Variants in TOGARAM2 observed in about 807,000 individuals in gnomAD.
The protein encoded by TOGARAM2 is TOG array regulator of axonemal microtubules 2.
Under a neutral mutation model 93.3 loss-of-function variants are expected in TOGARAM2, and 85 were observed. The observed-to-expected ratio is 0.91, with a 90% confidence interval of 0.76 to 1.09. The LOEUF is 1.09. TOGARAM2 is among the 50% of genes least tolerant of loss of function. TOGARAM2 has a pLI of 0.00. For missense variants in TOGARAM2, 1,277 were observed against 1,334.5 expected (o/e 0.96, Z 0.67); for synonymous variants, 593 against 552.8 (o/e 1.07, Z -1.02).
intron 1 of TOGARAM2, among the ~76,000 whole-genome samples, chr2:28,960,274 A>C (rs983919631): frequency 6.6e-6 from 1 of 152,246 alleles, no homozygotes; most frequent in Non-Finnish European, 1.5e-5. Flanking sequence ...ACGTGCCTAC[A>C]GATTATGACT....
In TOGARAM2 at chr2:29,027,016, G is replaced by A. The variant is rs1373269573; in HGVS notation, c.2012+5G>A. 1.3e-6 allele frequency: 2 copies of A among 1,553,560 alleles called. No individual in the cohort carries two copies. On this transcript the variant is annotated splice_donor_5th_base_variant and intron_variant, in intron 14 of 19. Coordinates refer to ENST00000379558, the MANE Select transcript of TOGARAM2 (RefSeq NM_199280.4). ...GGACTCCAACCAGGACACCAGGTAG[G>A]GCAGGGCCAGGGGCCTGGGGGCAGA...
chr2:28,995,237 C>A (rs1025208866), intron 2 of TOGARAM2, among the ~76,000 whole-genome samples: 10 of 152,230 alleles, frequency 6.6e-5, no homozygotes, highest in Admixed American at 5.2e-4. Flanking sequence ...CCTTAGCCAA[C>A]CAAGTGGGGT....
At chr2:29,006,281 ATGTATGTGTGCATGTGTG>A (rs1163194712) in intron 6 of TOGARAM2, among the ~76,000 whole-genome samples, 1 of 117,922 alleles carries the variant, frequency 8.5e-6, no homozygotes, top group African/African-American at 3.3e-5. Context: ...ATATGTGTGC[ATGTATGTGTGCATGTGTG>A]TGTGTGAGTG....
intron 8 of TOGARAM2, among the ~76,000 whole-genome samples, 198 bp from the exon 9 acceptor site, chr2:29,016,956 C>T (rs1010367264): frequency 1.3e-5 from 2 of 152,242 alleles, no homozygotes; most frequent in African/African-American, 2.4e-5. Context: ...TTTCTTTCAG[C>T]ACATACTGCC....
chr2:29,029,672 C>T (rs1005052465), intron 14 of TOGARAM2, among the ~76,000 whole-genome samples: 18 of 147,834 alleles, frequency 1.2e-4, no homozygotes, highest in East Asian at 1.9e-4. Context: ...AGGAGAATGG[C>T]GTGAACCCGG....
intron 5 of TOGARAM2, 74 bp downstream of exon 5, chr2:29,002,821 C>A: frequency 1.4e-6 from 2 of 1,383,890 alleles, no homozygotes; most frequent in Non-Finnish European, 2.0e-6. Context: ...TCTTTCTAGC[C>A]TCCACCAACC....
intron 14 of TOGARAM2, among the ~76,000 whole-genome samples, chr2:29,029,695 G>T: frequency 6.8e-6 from 1 of 147,442 alleles, no homozygotes; most frequent in Admixed American, 7.0e-5. Context: ...GGCGGAGCTT[G>T]CAGTGAACCG....
At chr2:28,985,554 G>A (rs1312612185) in intron 1 of TOGARAM2, among the ~76,000 whole-genome samples, 1 of 152,054 alleles carries the variant, frequency 6.6e-6, no homozygotes, top group Non-Finnish European at 1.5e-5. Flanking sequence ...ACTAGACCAA[G>A]TTCTGATTAA....
upstream of TOGARAM2, among the ~76,000 whole-genome samples, chr2:28,976,705 G>A (rs545922462): frequency 1.1e-4 from 16 of 152,348 alleles, no homozygotes; most frequent in East Asian, 3.9e-4. Context: ...CATCATCTGC[G>A]ATAAGAGGGG....
chr2:29,002,959 G>T (rs1208881782), intron 5 of TOGARAM2, among the ~76,000 whole-genome samples: 2 of 152,196 alleles, frequency 1.3e-5, no homozygotes, highest in East Asian at 3.8e-4. Flanking sequence ...TCCATAGCTG[G>T]CCTGGGGGCT....
At chr2:28,999,657 G>A (rs1381299190) in intron 4 of TOGARAM2, among the ~76,000 whole-genome samples, 189 bp downstream of exon 4, 1 of 152,152 alleles carries the variant, frequency 6.6e-6, no homozygotes, top group African/African-American at 2.4e-5. Flanking sequence ...CTCCCTCCCG[G>A]GCTCTGCAGT....
At chr2:28,983,951 TG>T (rs1210531249) in intron 1 of TOGARAM2, among the ~76,000 whole-genome samples, 1 of 152,114 alleles carries the variant, frequency 6.6e-6, no homozygotes, top group East Asian at 1.9e-4. Flanking sequence ...CCTCCTCTGT[TG>T]GGTGCCTCCC....
At chr2:28,979,329 C>T (rs1672082249), upstream of TOGARAM2, among the ~76,000 whole-genome samples, 1 of 152,228 alleles carries the variant, frequency 6.6e-6, no homozygotes, top group Admixed American at 6.5e-5. Flanking sequence ...GCCTGGCGGG[C>T]ACACTGAGGG....
chr2:29,051,610 A>G (rs1667072905), intron 19 of TOGARAM2, 146 bp from the exon 20 acceptor site: 3 of 580,900 alleles, frequency 5.2e-6, no homozygotes, highest in Non-Finnish European at 9.0e-6. Flanking sequence ...ACACATTTTC[A>G]TAGGCTGCTA....
intron 7 of TOGARAM2, among the ~76,000 whole-genome samples, chr2:29,013,560 A>G (rs987178384): frequency 5.9e-5 from 9 of 152,216 alleles, no homozygotes; most frequent in Non-Finnish European, 1.2e-4. Context: ...CACTGGTGCA[A>G]GTCTCAGAGT....
intron 1 of TOGARAM2, among the ~76,000 whole-genome samples, chr2:28,983,091 G>A (rs1277194180): frequency 8.8e-6 from 1 of 113,598 alleles, no homozygotes; most frequent in Non-Finnish European, 1.9e-5. Flanking sequence ...AGGCTCAAGT[G>A]TTCCTCCCAC....
intron 1 of TOGARAM2, among the ~76,000 whole-genome samples, chr2:28,964,398 T>C (rs1230852612): frequency 6.6e-6 from 1 of 152,136 alleles, no homozygotes; most frequent in Non-Finnish European, 1.5e-5. Context: ...ATGTATCTCT[T>C]TTTTTTCCTC....
At chr2:28,967,952 G>T (rs1281140706) in intron 1 of TOGARAM2, among the ~76,000 whole-genome samples, 1 of 152,058 alleles carries the variant, frequency 6.6e-6, no homozygotes, top group Non-Finnish European at 1.5e-5. Flanking sequence ...CCGGGTAGCT[G>T]GGATTAAAGG....
At position 29,051,928 on chromosome 2, in the gene TOGARAM2, C is replaced by T. The variant is rs1434341449; in HGVS notation, c.2895C>T (p.Gly965=). The T allele has an allele frequency of 1.9e-6, 3 of 1,598,992 alleles. No individual in the cohort carries two copies. The highest frequency in any genetic ancestry group is 1.6e-4 in the Middle Eastern group (1 of 6,064). Residue 965 remains glycine (G), a synonymous_variant, in exon 20 of 20, where the codon GGC becomes GGT. Coordinates refer to ENST00000379558, the MANE Select transcript of TOGARAM2 (RefSeq NM_199280.4). ...CCAGGAGCCTCCAGGAGCACATGGG[C>T]TCCCGCCTGCTGGACTTTGCCGCCA... ...RLSRSLQEHM[G]SRLLDFAASQ... is the part of the protein sequence containing the mutation.
Sources: allele counts gnomAD v4.1 joint callset (sites outside exome capture counted in the v4.1 genomes callset), GRCh38; gene constraint gnomAD v4.1.1; transcripts MANE v1.5; gene names NCBI Gene and HGNC (gene_info 2026-07-23, HGNC 2026-07-21).